The following NR6A1 variants were observed in gnomAD, a reference collection of about 807,000 sequenced individuals.
NR6A1 encodes the protein retinoic acid receptor-related testis-associated receptor.
A neutral mutation model predicts 59.1 loss-of-function variants in NR6A1; 7 were observed. That is an observed-to-expected ratio of 0.12 (90% CI 0.07 to 0.22). The LOEUF is 0.22. Among genes scored for constraint, NR6A1 ranks in the 10% least tolerant of loss-of-function variants. NR6A1 has a pLI of 1.00. For missense variants in NR6A1, 468 were observed against 611.6 expected, an observed-to-expected ratio of 0.77 and a Z score of 2.48; for synonymous variants, 243 against 236.1, an observed-to-expected ratio of 1.03 and a Z score of -0.27.
intron 2 of NR6A1, among the ~76,000 whole-genome samples, chr9:124,588,919 CA>C (rs57274135): frequency 0.081 from 4,245 of 52,358 alleles, 196 homozygotes; most frequent in East Asian, 0.27. Flanking sequence ...GACTCTGTCT[CA>C]AAAAAAAAAA....
rs74721543 is a variant in NR6A1 at position 124,747,498 on chromosome 9, C to G, written c.101-14149G>C. 2.2e-3 allele frequency among the ~76,000 whole-genome samples: 334 copies of G among 152,252 alleles called. 2 individuals are homozygous for G. Among genetic ancestry groups the G allele is most frequent in the African/African-American group, 7.7e-3 (318 of 41,564 alleles). On this transcript the variant is annotated intron_variant, in intron 1 of 9. Transcript: ENST00000487099. ...TCCCAACTGATGATTCCCCTCTCCC[C>G]CAAACTTTCAATTCTGGATGAGACT...
intron 2 of NR6A1, among the ~76,000 whole-genome samples, chr9:124,630,042 G>C (rs1420320180): frequency 1.3e-5 from 2 of 151,984 alleles, no homozygotes; most frequent in African/African-American, 4.8e-5. Flanking sequence ...ATGTTATCAA[G>C]AGAGAAAGTA....
intron 2 of NR6A1, among the ~76,000 whole-genome samples, chr9:124,666,670 G>A (rs1837631749): frequency 6.6e-6 from 1 of 152,054 alleles, no homozygotes; most frequent in African/African-American, 2.4e-5. Context: ...CTTTTGCCTG[G>A]CCATTTAAGA....
chr9:124,655,074 C>G (rs1026239105), intron 2 of NR6A1, among the ~76,000 whole-genome samples: 1 of 152,274 alleles, frequency 6.6e-6, no homozygotes, highest in African/African-American at 2.4e-5. Flanking sequence ...CAGCTAAAGT[C>G]CCTATAAAAG....
At chr9:124,765,126 G>A (rs60713549) in intron 1 of NR6A1, among the ~76,000 whole-genome samples, 20,224 of 152,098 alleles carry the variant, frequency 0.13, 3,653 homozygotes, top group African/African-American at 0.4. Context: ...TTAATGTAAC[G>A]AATTGTATGG....
rs531857348 is a variant in NR6A1, at chr9:124,746,806, A to G, written c.101-13457T>C. The stretch of plus-strand genomic sequence containing the variant: ...AATCAAATTCAACAAATATTTACCT[A>G]GTGTTTTCCATGTATAGGCTGCTAT... On this transcript the variant is annotated intron_variant, in intron 1 of 9. Transcript: ENST00000487099. Among the ~76,000 whole-genome samples, 3 of 152,030 alleles carry G rather than the reference A, an allele frequency of 2.0e-5. No individual in the cohort carries two copies. In the South Asian group the frequency reaches 6.2e-4, roughly 31 times the overall value.
At chr9:124,646,547 G>T (rs1183310072) in intron 2 of NR6A1, among the ~76,000 whole-genome samples, 1 of 152,130 alleles carries the variant, frequency 6.6e-6, no homozygotes, top group Non-Finnish European at 1.5e-5. Flanking sequence ...CCACAAATTT[G>T]ATAACCTAGA....
At chr9:124,617,602 A>G (rs976679205) in intron 2 of NR6A1, among the ~76,000 whole-genome samples, 4 of 152,158 alleles carry the variant, frequency 2.6e-5, no homozygotes, top group African/African-American at 4.8e-5. Flanking sequence ...GTGGCTCCCT[A>G]CAGCTTTGTC....
chr9:124,659,934 G>C (rs1366015217), intron 2 of NR6A1, among the ~76,000 whole-genome samples: 5 of 152,150 alleles, frequency 3.3e-5, no homozygotes, highest in Non-Finnish European at 7.4e-5. Flanking sequence ...CATTGCATTT[G>C]AACTTGTTTC....
At chr9:124,634,176 T>C (rs1040567810) in intron 2 of NR6A1, among the ~76,000 whole-genome samples, 2 of 152,146 alleles carry the variant, frequency 1.3e-5, no homozygotes, top group Non-Finnish European at 2.9e-5. Flanking sequence ...AAAACAGATA[T>C]AGATTTTTAA....
At chr9:124,747,187 C>CA (rs770143047) in intron 1 of NR6A1, among the ~76,000 whole-genome samples, 1 of 122,518 alleles carries the variant, frequency 8.2e-6, no homozygotes, top group Admixed American at 8.8e-5. Flanking sequence ...CCTTGTCTGA[C>CA]TTTTTTTTTT....
chr9:124,654,002 G>A (rs901340874), intron 2 of NR6A1, among the ~76,000 whole-genome samples: 2 of 152,152 alleles, frequency 1.3e-5, no homozygotes, highest in East Asian at 3.9e-4. Flanking sequence ...AGAGAATCAG[G>A]CTGCAAAACC....
intron 2 of NR6A1, among the ~76,000 whole-genome samples, chr9:124,568,036 T>A (rs1044412279): frequency 1.4e-4 from 21 of 149,634 alleles, no homozygotes; most frequent in African/African-American, 4.4e-4. Flanking sequence ...TAGCCAGGCA[T>A]GGTGGTGTGT....
intron 2 of NR6A1, among the ~76,000 whole-genome samples, chr9:124,648,988 A>C (rs1837017372): frequency 6.6e-6 from 1 of 152,152 alleles, no homozygotes; most frequent in Admixed American, 6.5e-5. Flanking sequence ...CCATGTTCAT[A>C]AAGTGAAAGG....
chr9:124,575,782 T>A (rs1834572715), intron 2 of NR6A1, among the ~76,000 whole-genome samples: 1 of 152,302 alleles, frequency 6.6e-6, no homozygotes. Context: ...TTAATACATG[T>A]AAAGTACATG....
intron 2 of NR6A1, among the ~76,000 whole-genome samples, chr9:124,572,432 C>T (rs1834464149): frequency 6.6e-6 from 1 of 151,766 alleles, no homozygotes; most frequent in African/African-American, 2.4e-5. Flanking sequence ...AAGGTAGGAA[C>T]AACTGCTAGA....
At chr9:124,576,359 C>T (rs1834591095) in intron 2 of NR6A1, among the ~76,000 whole-genome samples, 1 of 152,200 alleles carries the variant, frequency 6.6e-6, no homozygotes, top group Non-Finnish European at 1.5e-5. Context: ...ACAATCTCGG[C>T]TCACTGCAAC....
chr9:124,676,440 TA>T (rs995704673), intron 2 of NR6A1, among the ~76,000 whole-genome samples: 40 of 146,968 alleles, frequency 2.7e-4, no homozygotes, highest in African/African-American at 3.5e-4. Context: ...GCCTTTTATT[TA>T]AAAAAAAAAA....
At chr9:124,619,146 T>C (rs1835986673) in intron 2 of NR6A1, among the ~76,000 whole-genome samples, 2 of 152,202 alleles carry the variant, frequency 1.3e-5, no homozygotes, top group African/African-American at 4.8e-5. Context: ...GGCATATCTA[T>C]TAACGCAACC....
Sources: allele counts gnomAD v4.1 joint callset (sites outside exome capture counted in the v4.1 genomes callset), GRCh38; gene constraint gnomAD v4.1.1; transcripts MANE v1.5; gene names NCBI Gene and HGNC (gene_info 2026-07-23, HGNC 2026-07-21).